The following MTMR12 variants were observed in gnomAD, a reference collection of about 807,000 sequenced individuals.
The protein encoded by MTMR12 is myotubularin-related protein 12.
In MTMR12, 33 loss-of-function variants were observed where a neutral mutation model predicts 96.7. That is an observed-to-expected ratio of 0.34 (90% CI 0.26 to 0.46). The LOEUF (loss-of-function observed/expected upper bound fraction) is 0.46. Among genes scored for constraint, MTMR12 ranks in the 20% least tolerant of loss-of-function variants. MTMR12 has a pLI of 1.00. For synonymous variants in MTMR12, 298 were observed against 327.2 expected (o/e 0.91, Z 0.96); for missense variants, 721 against 896.1 (o/e 0.80, Z 2.49).
At chr5:32,278,979 G>C (rs548453010) in intron 1 of MTMR12, among the ~76,000 whole-genome samples, 2 of 150,268 alleles carry the variant, frequency 1.3e-5, no homozygotes, top group South Asian at 4.2e-4. Context: ...GGGAGGCTGA[G>C]GCAGGAGAAT....
At chr5:32,292,523 G>A (rs1750773832) in intron 1 of MTMR12, among the ~76,000 whole-genome samples, 1 of 152,240 alleles carries the variant, frequency 6.6e-6, no homozygotes, top group Non-Finnish European at 1.5e-5. Flanking sequence ...AGGCTAAGAA[G>A]GGAGTTACAG....
chr5:32,267,703 C>T (rs1749656527), intron 6 of MTMR12, among the ~76,000 whole-genome samples: 1 of 152,146 alleles, frequency 6.6e-6, no homozygotes, highest in South Asian at 2.1e-4. Context: ...AAGAAATTCT[C>T]TATGGTCTTA....
chr5:32,300,759 C>T (rs950199222), intron 1 of MTMR12, among the ~76,000 whole-genome samples: 1 of 152,176 alleles, frequency 6.6e-6, no homozygotes, highest in Non-Finnish European at 1.5e-5. Flanking sequence ...CTTCTCTTCT[C>T]CAGAACGTAA....
chr5:32,245,590 G>C (rs535492136), intron 10 of MTMR12, among the ~76,000 whole-genome samples: 6 of 152,252 alleles, frequency 3.9e-5, no homozygotes, highest in African/African-American at 1.4e-4. Context: ...CACTTTGGGA[G>C]GCCGAGGAGG....
At chr5:32,271,967 G>T in intron 3 of MTMR12, 62 bp from the exon 4 acceptor site, 1 of 1,020,394 alleles carries the variant, frequency 9.8e-7, no homozygotes, top group South Asian at 1.6e-5. Context: ...TTTATAGGCA[G>T]AGTAAATCAC....
chr5:32,312,870 C>T lies in MTMR12; in HGVS notation c.-32G>A, dbSNP rs575930614. On this transcript the variant is annotated 5_prime_UTR_variant, in exon 1 of 16. Transcript: ENST00000382142. This position sits in a 1 kb window ranked among gnomAD's most constrained non-coding sequence, Gnocchi z 5.0. ...GCCCTGGGAAGCAGCGACGCGCGGA[C>T]GCAGAGGCGGCGGCTCGGGCTCCAG... 2.7e-5 allele frequency: 41 copies of T among 1,509,300 alleles called. No individual in the cohort carries two copies. The African/African-American group carries it at 5.8e-4, about 21-fold the overall frequency. The allele number at this position is 1,509,300 out of a possible 1,614,324, so 93.5% of individuals were successfully genotyped here.
chr5:32,310,838 C>T (rs1250445289), intron 1 of MTMR12, among the ~76,000 whole-genome samples: 1 of 151,910 alleles, frequency 6.6e-6, no homozygotes, highest in African/African-American at 2.4e-5. Flanking sequence ...GATGGATACC[C>T]CATTCATGCA....
At chr5:32,259,288 C>T (rs781761978) in intron 7 of MTMR12, among the ~76,000 whole-genome samples, 1 of 152,240 alleles carries the variant, frequency 6.6e-6, no homozygotes, top group South Asian at 2.1e-4. Context: ...GTGTGGTACA[C>T]ACTCCACAGG....
chr5:32,263,135 C>T lies in MTMR12; in HGVS notation c.691G>A (p.Glu231Lys), dbSNP rs143678875. 4.5e-5 allele frequency: 72 copies of T among 1,614,172 alleles called. No individual in the cohort carries two copies. The highest frequency in any genetic ancestry group is 4.3e-4 in the African/African-American group (32 of 75,056). Residue 231 changes from glutamate to lysine, a missense_variant, in exon 7 of 16, where the codon GAA (glutamate) becomes AAA (lysine). Transcript: ENST00000382142. Reference protein sequence around the residue: ...NMKYKAVSVNEGYKVCERLPA... With the variant: ...NMKYKAVSVNKGYKVCERLPA... Reference sequence around the variant, plus strand: ...TACCTCTCACAGACTTTATAGCCTTCGTTGACACTCACTGCTTTGTACTTC... The same window carrying T: ...TACCTCTCACAGACTTTATAGCCTTTGTTGACACTCACTGCTTTGTACTTC...
chr5:32,292,309 T>C (rs1337519452), intron 1 of MTMR12, among the ~76,000 whole-genome samples: 2 of 152,104 alleles, frequency 1.3e-5, no homozygotes, highest in Non-Finnish European at 2.9e-5. Context: ...AGGGTGGAAG[T>C]GGAAGTGGCA....
At chr5:32,312,937 TCCGCCCATCCCCAAGGCCGCGACCG>T (rs993689946) in exon 1 of MTMR12, 26 of 1,148,324 alleles carry the variant, frequency 2.3e-5, no homozygotes, top group African/African-American at 3.6e-4. This position sits in a 1 kb window ranked among gnomAD's most constrained non-coding sequence, Gnocchi z 5.0. Context: ...CGGCTGGGGC[TCCGCCCATCCCCAAGGCCGCGACCG>T]CCGCGATGCC....
At chr5:32,258,636 G>A (rs554767249) in intron 7 of MTMR12, among the ~76,000 whole-genome samples, 1 of 152,230 alleles carries the variant, frequency 6.6e-6, no homozygotes, top group South Asian at 2.1e-4. Flanking sequence ...TTAGACAAGA[G>A]CCTCCAGCGA....
At chr5:32,285,519 GT>G (rs1297007818) in intron 1 of MTMR12, among the ~76,000 whole-genome samples, 3 of 151,872 alleles carry the variant, frequency 2.0e-5, no homozygotes, top group Admixed American at 1.3e-4. Flanking sequence ...CTTTTTATTT[GT>G]TTATTTTATT....
chr5:32,281,301 T>C (rs1750286782), intron 1 of MTMR12, among the ~76,000 whole-genome samples: 1 of 149,242 alleles, frequency 6.7e-6, no homozygotes, highest in East Asian at 2.0e-4. Context: ...TAACTTCTAC[T>C]TTTCTCCCAA....
chr5:32,284,982 G>A (rs559651713), intron 1 of MTMR12, among the ~76,000 whole-genome samples: 2 of 152,190 alleles, frequency 1.3e-5, no homozygotes, highest in Non-Finnish European at 2.9e-5. Flanking sequence ...ACAAAGGAAA[G>A]GCAAAAACTG....
chr5:32,297,915 A>G (rs1050037604), intron 1 of MTMR12, among the ~76,000 whole-genome samples: 3 of 152,228 alleles, frequency 2.0e-5, no homozygotes, highest in African/African-American at 7.2e-5. Context: ...TTGATGGGAT[A>G]AGGACCTGCC....
chr5:32,263,045 A>G, intron 7 of MTMR12, 68 bp downstream of exon 7: 9 of 1,573,706 alleles, frequency 5.7e-6, no homozygotes, highest in Non-Finnish European at 7.8e-6. Flanking sequence ...CCCTGTGAAT[A>G]TACTAAAAAA....
At chr5:32,281,873 C>G (rs929489707) in intron 1 of MTMR12, among the ~76,000 whole-genome samples, 1 of 147,076 alleles carries the variant, frequency 6.8e-6, no homozygotes, top group Non-Finnish European at 1.5e-5. Flanking sequence ...GCACTCCAGC[C>G]TGGGAGACAG....
chr5:32,289,623 T>C (rs1402076723), intron 1 of MTMR12, among the ~76,000 whole-genome samples: 1 of 152,234 alleles, frequency 6.6e-6, no homozygotes, highest in Non-Finnish European at 1.5e-5. Flanking sequence ...TAGGGGCTTA[T>C]GGAGGTCAGG....
Sources: gnomAD v4.1 joint callset for allele counts (sites outside exome capture counted in the v4.1 genomes callset) on GRCh38, gnomAD v4.1.1 for gene constraint, Gnocchi (gnomAD v3.1) non-coding constraint, MANE v1.5 for transcripts, NCBI Gene and HGNC (gene_info 2026-07-23, HGNC 2026-07-21) for gene names.